ADAMTSL1: variants seen among roughly 807,000 people sequenced by gnomAD.
The protein encoded by ADAMTSL1 is ADAMTS like 1, also known as ADAMTS-like protein 1.
A neutral mutation model predicts 201.8 loss-of-function variants in ADAMTSL1; 126 were observed. The ratio of observed to expected loss-of-function variants is 0.62; its 90% CI spans 0.54 to 0.72. The LOEUF is 0.72. Among genes scored for constraint, ADAMTSL1 ranks in the 30% least tolerant of loss-of-function variants. The probability of loss-of-function intolerance (pLI) is 0.00; values close to 1 mark genes in which losing one functional copy is unlikely to be tolerated. For missense variants in ADAMTSL1, 2,679 were observed against 2,277.8 expected, an observed-to-expected ratio of 1.18 and a Z score of -3.59; for synonymous variants, 1,121 against 903.4, an observed-to-expected ratio of 1.24 and a Z score of -4.32.
In ADAMTSL1 at chr9:18,777,799, C is replaced by G. The variant is rs1483911909; in HGVS notation, c.3570C>G (p.Ala1190=). 6.2e-7 allele frequency: 1 copy of G among 1,613,654 alleles called. No homozygotes were observed. The highest frequency in any genetic ancestry group is 8.5e-7 in the Non-Finnish European group (1 of 1,179,820). ...EVVTHLGQTV[A]LASGTLSVLL... ...TCACCCACCTGGGGCAGACGGTGGC[C>G]CTGGCCAGCGGGACACTGAGTGTTC... The change falls in exon 19 of 29, where the codon GCC becomes GCG. Residue 1190 remains alanine, a synonymous_variant. Coordinates refer to ENST00000380548, the MANE Select transcript of ADAMTSL1 (RefSeq NM_001040272.6).
intron 14 of ADAMTSL1, among the ~76,000 whole-genome samples, chr9:18,713,976 G>A (rs1309530581): frequency 1.3e-5 from 2 of 149,752 alleles, no homozygotes; most frequent in Middle Eastern, 3.2e-3. Flanking sequence ...CATGGAAACT[G>A]AACAACCTGC....
chr9:18,137,480 C>T (rs548859512), intron 1 of ADAMTSL1, among the ~76,000 whole-genome samples: 2 of 152,176 alleles, frequency 1.3e-5, no homozygotes, highest in African/African-American at 2.4e-5. Flanking sequence ...AGTCCAGGCT[C>T]CATTAGTCTC....
intron 23 of ADAMTSL1, among the ~76,000 whole-genome samples, chr9:18,857,431 C>T (rs145197695): frequency 6.6e-6 from 1 of 152,230 alleles, no homozygotes; most frequent in Non-Finnish European, 1.5e-5. Flanking sequence ...GATGATAGGC[C>T]TATTATTTTG....
rs111805257 is a variant in ADAMTSL1, at chr9:18,680,410, T to C, written c.1235T>C (p.Val412Ala). ...SCVEEDIQGH[V>A]TSVEEWKCMY... ...GTGGAGGAGGACATCCAGGGGCATG[T>C]CACTTCAGTGGAAGAGTGGAAATGC... Residue 412 changes from valine to alanine, a missense_variant, in exon 11 of 29, where the codon GTC (valine) becomes GCC (alanine). Transcript: ENST00000380548. 5.0e-6 allele frequency: 8 copies of C among 1,614,152 alleles called. No individual in the cohort carries two copies. Among genetic ancestry groups the C allele is most frequent in the Non-Finnish European group, 5.9e-6 (7 of 1,180,014 alleles).
intron 2 of ADAMTSL1, among the ~76,000 whole-genome samples, chr9:18,275,279 A>G (rs1009569769): frequency 1.3e-5 from 2 of 152,202 alleles, no homozygotes; most frequent in African/African-American, 2.4e-5. Flanking sequence ...ATTACTTTAT[A>G]GCTATTAATA....
chr9:18,721,597 C>G lies in ADAMTSL1; in HGVS notation c.1938C>G (p.Asn646Lys), dbSNP rs1338782279. ...AGACTCGGGAGCCTGCTGAGGAGAA[C>G]CTGTGCGTGACCAGCCGCCGGCCCC... is the stretch of plus-strand genomic sequence containing the variant. ...NKQTREPAEE[N>K]LCVTSRRPPQ... The change falls in exon 15 of 29, where the codon AAC becomes AAG. Residue 646 changes from asparagine (N) to lysine (K), a missense_variant. Asn to Lys is a moderately conservative substitution (Grantham distance 94). Transcript: ENST00000380548. 6.2e-7 allele frequency: 1 copy of G among 1,613,976 alleles called. No homozygotes were observed. The highest frequency in any genetic ancestry group is 8.5e-7 in the Non-Finnish European group (1 of 1,179,874).
intron 2 of ADAMTSL1, among the ~76,000 whole-genome samples, chr9:18,189,171 C>G (rs1026310907): frequency 6.6e-6 from 1 of 152,082 alleles, no homozygotes; most frequent in Non-Finnish European, 1.5e-5. Flanking sequence ...AGTTGCCAGG[C>G]TGAGTTGTGT....
chr9:18,369,659 C>A (rs564256821), intron 2 of ADAMTSL1, among the ~76,000 whole-genome samples: 1 of 152,060 alleles, frequency 6.6e-6, no homozygotes, highest in Admixed American at 6.6e-5. Flanking sequence ...ATTATTGTAT[C>A]AAAAAGATAC....
Position 18,843,361 on chromosome 9 carries a change from T to C in ADAMTSL1, c.4249+13384T>C, listed in dbSNP as rs1261920119. Among the ~76,000 whole-genome samples, 313 of 150,920 alleles carry C rather than the reference T, an allele frequency of 2.1e-3. 9 individuals carry two copies. Among genetic ancestry groups the C allele is most frequent in the African/African-American group, 7.4e-3 (299 of 40,268 alleles). ...TTTCTTTAAGAATGTTGAATATTGGTCCCCCCTCTCTTCTGGCTTGTAGAG... is the reference window on the plus strand; with the variant it reads ...TTTCTTTAAGAATGTTGAATATTGGCCCCCCCTCTCTTCTGGCTTGTAGAG... On this transcript the variant is annotated intron_variant, in intron 23 of 28. Transcript: ENST00000380548.
intron 2 of ADAMTSL1, among the ~76,000 whole-genome samples, chr9:18,212,753 C>T (rs1829923699): frequency 6.6e-6 from 1 of 152,136 alleles, no homozygotes; most frequent in Non-Finnish European, 1.5e-5. Flanking sequence ...GGGAAGACAA[C>T]TTCTAGCTCT....
chr9:17,974,223 A>G (rs931764270), intron 1 of ADAMTSL1, among the ~76,000 whole-genome samples: 1 of 152,026 alleles, frequency 6.6e-6, no homozygotes, highest in African/African-American at 2.4e-5. Flanking sequence ...CCTATTCAAC[A>G]TAGTGTTGGC....
intron 20 of ADAMTSL1, 128 bp downstream of exon 20, chr9:18,795,652 T>TTA: frequency 9.6e-7 from 1 of 1,043,798 alleles, no homozygotes; most frequent in Non-Finnish European, 1.4e-6. Context: ...GAGTTTGTAA[T>TTA]CTATAATTAC....
intron 7 of ADAMTSL1, among the ~76,000 whole-genome samples, chr9:18,648,337 A>G (rs1827956345): frequency 6.7e-6 from 1 of 150,236 alleles, no homozygotes; most frequent in Non-Finnish European, 1.5e-5. Context: ...TTGACTCTTT[A>G]TCCAATTTGC....
Position 18,392,121 on chromosome 9 carries a change from G to A in ADAMTSL1, c.208-112708G>A, listed in dbSNP as rs145005517. Among the ~76,000 whole-genome samples the A allele has an allele frequency of 2.0e-3, 304 of 152,094 alleles. 3 individuals carry two copies. The highest frequency in any genetic ancestry group is 6.9e-3 in the African/African-American group (285 of 41,454). ...TTACAGGCATGAGTCACTGCGACTG[G>A]CCCTGAATCAATTACTTTCTAGATT... On this transcript the variant is annotated intron_variant, in intron 2 of 29. Coordinates refer to the ADAMTSL1 transcript ENST00000680146.
chr9:18,677,407 ATTAAT>A (rs1202934474), intron 10 of ADAMTSL1, among the ~76,000 whole-genome samples: 13 of 152,202 alleles, frequency 8.5e-5, no homozygotes, highest in African/African-American at 3.1e-4. Flanking sequence ...ATAGCAAATG[ATTAAT>A]TTAACTGAAC....
intron 2 of ADAMTSL1, among the ~76,000 whole-genome samples, chr9:18,431,998 GA>G (rs1254423055): frequency 6.6e-6 from 1 of 152,132 alleles, no homozygotes; most frequent in East Asian, 1.9e-4. Flanking sequence ...ATTTTCACAT[GA>G]AAAATGGTAA....
intron 1 of ADAMTSL1, among the ~76,000 whole-genome samples, chr9:17,995,929 C>T (rs549916380): frequency 1.3e-5 from 2 of 151,930 alleles, no homozygotes; most frequent in Admixed American, 1.3e-4. Context: ...TAAAATGACA[C>T]AGTCCGTATA....
chr9:18,747,211 G>T (rs35200150), intron 15 of ADAMTSL1, among the ~76,000 whole-genome samples: 39,977 of 152,082 alleles, frequency 0.26, 5,860 homozygotes, highest in South Asian at 0.39. Flanking sequence ...TCTTGTTTAC[G>T]AGCTGTGTGA....
chr9:18,455,882 A>G (rs1452081429), intron 2 of ADAMTSL1, among the ~76,000 whole-genome samples: 1 of 151,716 alleles, frequency 6.6e-6, no homozygotes, highest in African/African-American at 2.4e-5. Flanking sequence ...CCCCCATTTT[A>G]CAGTTTAAAG....
Sources: allele counts gnomAD v4.1 joint callset (sites outside exome capture counted in the v4.1 genomes callset), GRCh38; gene constraint gnomAD v4.1.1; transcripts MANE v1.5; gene names NCBI Gene and HGNC (gene_info 2026-07-23, HGNC 2026-07-21).